Variants in DLC1 observed in about 807,000 individuals in gnomAD.
DLC1 encodes the protein rho GTPase-activating protein 7.
DLC1 carries 54 observed loss-of-function variants against 140.3 expected under a neutral mutation model. The ratio of observed to expected loss-of-function variants is 0.38; its 90% confidence interval spans 0.31 to 0.48. The LOEUF (loss-of-function observed/expected upper bound fraction) is 0.48. Among genes scored for constraint, DLC1 ranks in the 20% least tolerant of loss-of-function variants. The probability of loss-of-function intolerance (pLI) is 0.96; values close to 1 mark genes in which losing one functional copy is unlikely to be tolerated. For missense variants in DLC1, 2,536 were observed against 1,907.0 expected, an observed-to-expected ratio of 1.33 and a Z score of -6.14; for synonymous variants, 986 against 728.1, an observed-to-expected ratio of 1.35 and a Z score of -5.70.
chr8:13,299,934 A>T (rs146918980), intron 5 of DLC1, among the ~76,000 whole-genome samples: 1 of 152,222 alleles, frequency 6.6e-6, no homozygotes, highest in Admixed American at 6.5e-5. Context: ...ATTACTGGGT[A>T]TATATTCAAA....
At chr8:13,562,771 T>C (rs1366465946) in intron 1 of DLC1, among the ~76,000 whole-genome samples, 1 of 152,156 alleles carries the variant, frequency 6.6e-6, no homozygotes, top group Non-Finnish European at 1.5e-5. Context: ...TTTCTTATAA[T>C]AGCAAAATGC....
intron 5 of DLC1, among the ~76,000 whole-genome samples, chr8:13,291,003 G>A (rs7014247): frequency 0.05 from 7,600 of 152,248 alleles, 237 homozygotes; most frequent in South Asian, 0.12. Flanking sequence ...CTGCCTCCCG[G>A]GTTCAAGGAT....
At chr8:13,394,871 C>G (rs986419659) in intron 3 of DLC1, among the ~76,000 whole-genome samples, 1 of 152,152 alleles carries the variant, frequency 6.6e-6, no homozygotes, top group Admixed American at 6.5e-5. Flanking sequence ...TCTTGTCACT[C>G]TGTTGTCAGC....
chr8:13,405,902 T>C (rs1189025654), intron 2 of DLC1, among the ~76,000 whole-genome samples: 7 of 144,418 alleles, frequency 4.8e-5, no homozygotes, highest in East Asian at 2.1e-4. Context: ...TCTTTCTTTT[T>C]CTTTCTTTCT....
chr8:13,199,752 A>T (rs1162373031), intron 5 of DLC1, among the ~76,000 whole-genome samples: 10 of 152,132 alleles, frequency 6.6e-5, no homozygotes, highest in Non-Finnish European at 1.3e-4. Flanking sequence ...ATGGGTAAAA[A>T]CAGAGTCAAT....
At chr8:13,102,120 G>T (rs764984905) in intron 8 of DLC1, among the ~76,000 whole-genome samples, 4 of 152,216 alleles carry the variant, frequency 2.6e-5, no homozygotes, top group Non-Finnish European at 4.4e-5. Flanking sequence ...GAACCCGGAA[G>T]TCAGAAATAT....
At chr8:13,567,016 C>T (rs1307854055) in intron 1 of DLC1, 6 of 1,550,216 alleles carry the variant, frequency 3.9e-6, no homozygotes, top group African/African-American at 1.4e-5. Context: ...AGAATTGGCC[C>T]AAACGGACAA....
intron 1 of DLC1, among the ~76,000 whole-genome samples, chr8:13,513,626 A>T (rs1802473266): frequency 6.6e-6 from 1 of 152,144 alleles, no homozygotes; most frequent in South Asian, 2.1e-4. Flanking sequence ...AAAATGATGA[A>T]TTTTATTATA....
At chr8:13,115,484 T>C in intron 6 of DLC1, 102 bp downstream of exon 6, 1 of 1,138,646 alleles carries the variant, frequency 8.8e-7, no homozygotes, top group Admixed American at 2.9e-5. Context: ...AAATAAAACA[T>C]TTAAACGATA....
chr8:13,202,022 T>C (rs1827415548), intron 5 of DLC1, among the ~76,000 whole-genome samples: 1 of 148,284 alleles, frequency 6.7e-6, no homozygotes, highest in African/African-American at 2.5e-5. Context: ...CTCGGCTCAC[T>C]GCAACCTCTG....
At chr8:13,535,023 A>G (rs988904484) in intron 1 of DLC1, among the ~76,000 whole-genome samples, 1 of 152,166 alleles carries the variant, frequency 6.6e-6, no homozygotes, top group Admixed American at 6.5e-5. Flanking sequence ...ATTTTTCAGC[A>G]CATATTTGTT....
intron 1 of DLC1, among the ~76,000 whole-genome samples, chr8:13,579,364 T>TAATATA (rs1563454126): frequency 1.3e-4 from 5 of 37,268 alleles, no homozygotes; most frequent in African/African-American, 7.9e-4. Flanking sequence ...TATATATATT[T>TAATATA]TTATATAATA....
intron 1 of DLC1, among the ~76,000 whole-genome samples, chr8:13,563,233 C>G (rs1416683820): frequency 1.8e-4 from 27 of 152,094 alleles, no homozygotes; most frequent in Admixed American, 1.8e-3. Context: ...AACACTTCAA[C>G]TTGCAAAAAG....
At chr8:13,119,120 T>C (rs777090522) in intron 5 of DLC1, among the ~76,000 whole-genome samples, 12 of 151,576 alleles carry the variant, frequency 7.9e-5, no homozygotes, top group African/African-American at 1.5e-4. Context: ...TCTCAGCTAC[T>C]TGAGGGGCTG....
At chr8:13,518,887 G>A (rs1419510558), upstream of DLC1, among the ~76,000 whole-genome samples, 1 of 151,816 alleles carries the variant, frequency 6.6e-6, no homozygotes, top group African/African-American at 2.4e-5. Context: ...TTACTGTATT[G>A]GAAACAATAA....
intron 1 of DLC1, chr8:13,558,077 C>A (rs1210252240): frequency 2.0e-5 from 3 of 152,176 alleles, no homozygotes. Flanking sequence ...GCCTTAGACT[C>A]ATAGCAGGTT....
At chr8:13,290,770 A>G (rs1020904918) in intron 5 of DLC1, among the ~76,000 whole-genome samples, 2 of 152,222 alleles carry the variant, frequency 1.3e-5, no homozygotes, top group Admixed American at 6.5e-5. Context: ...TTTCAGGAAA[A>G]GGTAACAATA....
intron 4 of DLC1, among the ~76,000 whole-genome samples, chr8:13,378,816 T>C (rs946919316): frequency 1.3e-5 from 2 of 152,182 alleles, no homozygotes; most frequent in African/African-American, 4.8e-5. Context: ...GTCCTAGTAA[T>C]GTCCCTTCCA....
intron 5 of DLC1, among the ~76,000 whole-genome samples, chr8:13,188,287 G>C (rs1443144544): frequency 6.0e-5 from 9 of 151,118 alleles, no homozygotes; most frequent in African/African-American, 2.2e-4. Context: ...TCACCACATT[G>C]GCCAGGCTGG....
Sources: allele counts gnomAD v4.1 joint callset (sites outside exome capture counted in the v4.1 genomes callset), GRCh38; gene constraint gnomAD v4.1.1; transcripts MANE v1.5; gene names NCBI Gene and HGNC (gene_info 2026-07-23, HGNC 2026-07-21).